ZNF407: variants seen among roughly 807,000 people sequenced by gnomAD.
ZNF407 encodes the protein zinc finger protein 407.
ZNF407 carries 17 observed loss-of-function variants against 131.2 expected under a neutral mutation model. The observed-to-expected ratio is 0.13, with a 90% CI of 0.09 to 0.19. The LOEUF (loss-of-function observed/expected upper bound fraction) is 0.19, where lower values mean the gene tolerates loss of function less well. ZNF407 is among the 10% of genes least tolerant of loss of function. The probability of loss-of-function intolerance (pLI) is 1.00; values close to 1 mark genes in which losing one functional copy is unlikely to be tolerated. For missense variants in ZNF407, 2,681 were observed against 2,830.6 expected, an observed-to-expected ratio of 0.95 and a Z score of 1.20; for synonymous variants, 1,156 against 1,062.0, an observed-to-expected ratio of 1.09 and a Z score of -1.72.
chr18:75,054,034 C>T (rs1298966863), intron 8 of ZNF407, among the ~76,000 whole-genome samples: 1 of 152,222 alleles, frequency 6.6e-6, no homozygotes, highest in Non-Finnish European at 1.5e-5. Context: ...TCAAAGAGCC[C>T]GGGCCTTCCC....
chr18:75,038,450 G>A (rs2122236032), intron 8 of ZNF407, among the ~76,000 whole-genome samples: 2 of 152,282 alleles, frequency 1.3e-5, no homozygotes, highest in South Asian at 4.1e-4. Context: ...ATGCTAGTTA[G>A]CTAGTTTAAA....
At chr18:74,923,790 T>C (rs2145246162) in intron 8 of ZNF407, among the ~76,000 whole-genome samples, 2 of 152,340 alleles carry the variant, frequency 1.3e-5, no homozygotes, top group South Asian at 4.1e-4. Context: ...GCATTTCATA[T>C]TGGTATACCT....
Position 74,634,659 on chromosome 18 carries a change from A to G in ZNF407, c.3640A>G (p.Lys1214Glu), listed in dbSNP as rs375286947. Residue 1214 changes from lysine (K) to glutamate (E), a missense_variant, in exon 2 of 9, where the codon AAG (lysine) becomes GAG (glutamate). Lys to Glu is a moderately conservative substitution (Grantham distance 56). This residue lies in a region of ZNF407 where 1,789 missense variants were observed against 1,748.7 expected (regional missense o/e 1.02). Coordinates refer to ENST00000299687, the MANE Select transcript of ZNF407 (RefSeq NM_017757.3). ...GSSALNCETA[K>E]KNHEISNDAG... is the part of the protein sequence containing the mutation. ...CTCTGCCTTAAATTGTGAGACAGCA[A>G]AGAAAAACCATGAGATATCGAATGA... 1.9e-5 allele frequency: 31 copies of G among 1,613,926 alleles called. No homozygotes were observed. The highest frequency in any genetic ancestry group is 4.2e-6 in the Non-Finnish European group (5 of 1,179,910).
At chr18:74,698,075 G>A (rs1300720479) in intron 3 of ZNF407, among the ~76,000 whole-genome samples, 2 of 152,176 alleles carry the variant, frequency 1.3e-5, no homozygotes, top group African/African-American at 4.8e-5. Context: ...GTGCAGAGAT[G>A]CATTCAATTG....
At chr18:74,624,513 A>G (rs1008164913) in intron 1 of ZNF407, among the ~76,000 whole-genome samples, 3 of 152,138 alleles carry the variant, frequency 2.0e-5, no homozygotes, top group African/African-American at 7.2e-5. Context: ...AAACTCTTAC[A>G]CTGAGCTCTT....
At chr18:74,939,614 T>G (rs1972074981) in intron 8 of ZNF407, among the ~76,000 whole-genome samples, 1 of 152,234 alleles carries the variant, frequency 6.6e-6, no homozygotes, top group African/African-American at 2.4e-5. Flanking sequence ...TGCCCCTTTT[T>G]ATCAATCGAC....
chr18:74,666,428 A>G (rs1985933073), intron 3 of ZNF407, among the ~76,000 whole-genome samples: 1 of 152,142 alleles, frequency 6.6e-6, no homozygotes, highest in Admixed American at 6.5e-5. Flanking sequence ...CGAAAGCCTT[A>G]TTCCCTCCCT....
At chr18:74,859,375 A>G (rs1400188213) in intron 4 of ZNF407, among the ~76,000 whole-genome samples, 1 of 152,162 alleles carries the variant, frequency 6.6e-6, no homozygotes, top group Non-Finnish European at 1.5e-5. Context: ...GTTTTCAGCT[A>G]AATGTTAGTA....
intron 8 of ZNF407, among the ~76,000 whole-genome samples, chr18:75,000,384 T>G (rs1355188569): frequency 6.6e-6 from 1 of 152,258 alleles, no homozygotes; most frequent in Non-Finnish European, 1.5e-5. Flanking sequence ...ACTAATATTA[T>G]AATTGCAAAG....
chr18:74,773,360 G>A (rs1969400795), intron 3 of ZNF407, among the ~76,000 whole-genome samples: 2 of 142,590 alleles, frequency 1.4e-5, no homozygotes, highest in Non-Finnish European at 3.0e-5. Flanking sequence ...ATCAGTAGAA[G>A]CCAAGTTACT....
chr18:74,667,204 G>A (rs987525392), intron 3 of ZNF407, among the ~76,000 whole-genome samples: 3 of 152,140 alleles, frequency 2.0e-5, no homozygotes, highest in South Asian at 2.1e-4. Flanking sequence ...TCTGCTCCTC[G>A]TCTGTTTCCA....
intron 4 of ZNF407, among the ~76,000 whole-genome samples, chr18:74,788,766 G>A (rs1969769803): frequency 6.7e-6 from 1 of 149,824 alleles, no homozygotes; most frequent in African/African-American, 2.4e-5. Flanking sequence ...TTTAATCTAG[G>A]AAGTTTCTGT....
At chr18:74,625,068 A>AAT (rs1983727739) in intron 1 of ZNF407, among the ~76,000 whole-genome samples, 1 of 152,172 alleles carries the variant, frequency 6.6e-6, no homozygotes, top group East Asian at 1.9e-4. Flanking sequence ...GTATGACTAC[A>AAT]GTTCCTTTCA....
At chr18:74,733,407 C>T (rs183635301) in intron 3 of ZNF407, among the ~76,000 whole-genome samples, 1 of 151,986 alleles carries the variant, frequency 6.6e-6, no homozygotes, top group Admixed American at 6.6e-5. Context: ...TCAAAAGTAA[C>T]CCCATCTAAT....
At position 74,781,515 on chromosome 18, in the gene ZNF407, C is replaced by CTT; in HGVS notation, c.4877+21_4877+22dup. ...CCCCAAAAGAAAGGTAATTTTCATT[C>CTT]TTTTTTTTTCATTTAAAAATACAAT... On this transcript the variant is annotated intron_variant, in intron 4 of 8. Transcript: ENST00000299687. The CTT allele has an allele frequency of 1.4e-6, 2 of 1,462,168 alleles. No homozygotes were observed. The highest frequency in any genetic ancestry group is 1.8e-6 in the Non-Finnish European group (2 of 1,103,850). The allele number at this position is 1,462,168 out of a possible 1,614,324, so 90.6% of individuals were successfully genotyped here.
intron 8 of ZNF407, among the ~76,000 whole-genome samples, chr18:74,940,658 T>C (rs779695764): frequency 7.2e-5 from 11 of 152,282 alleles, no homozygotes; most frequent in Admixed American, 1.3e-4. Context: ...TGTTTAACTT[T>C]CCTATGCCTC....
At chr18:74,625,851 G>A (rs970899129) in intron 1 of ZNF407, among the ~76,000 whole-genome samples, 7 of 152,254 alleles carry the variant, frequency 4.6e-5, no homozygotes, top group Non-Finnish European at 8.8e-5. Context: ...AGGCTCTTGG[G>A]ATATATGGCT....
chr18:74,939,180 C>A (rs1213373706), intron 8 of ZNF407, among the ~76,000 whole-genome samples: 2 of 152,116 alleles, frequency 1.3e-5, no homozygotes, highest in Non-Finnish European at 2.9e-5. Flanking sequence ...AACATGCATA[C>A]CTACAATATC....
chr18:74,842,491 A>G (rs1185509710), intron 4 of ZNF407, among the ~76,000 whole-genome samples: 1 of 152,122 alleles, frequency 6.6e-6, no homozygotes, highest in East Asian at 1.9e-4. Flanking sequence ...GTTCATATTG[A>G]TGCTTTCAGC....
Sources: allele counts gnomAD v4.1 joint callset (sites outside exome capture counted in the v4.1 genomes callset), GRCh38; gene constraint gnomAD v4.1.1; regional missense constraint gnomAD v4.1.1; transcripts MANE v1.5; gene names NCBI Gene and HGNC (gene_info 2026-07-23, HGNC 2026-07-21).